The following DPP8 variants were observed in gnomAD, a reference collection of about 807,000 sequenced individuals.
DPP8 encodes DPP VIII.
In DPP8, 31 loss-of-function variants were observed where a neutral mutation model predicts 107.5. The ratio of observed to expected loss-of-function variants is 0.29; its 90% CI spans 0.22 to 0.39. DPP8 has a LOEUF of 0.39. DPP8 is among the 10% of genes least tolerant of loss of function. The probability of loss-of-function intolerance (pLI) is 1.00; values close to 1 mark genes in which losing one functional copy is unlikely to be tolerated. For synonymous variants in DPP8, 381 were observed against 356.6 expected, an observed-to-expected ratio of 1.07 and a Z score of -0.77; for missense variants, 842 against 1,076.1, an observed-to-expected ratio of 0.78 and a Z score of 3.04.
intron 5 of DPP8, among the ~76,000 whole-genome samples, chr15:65,490,547 A>C (rs1313572005): frequency 1.0e-5 from 1 of 98,622 alleles, no homozygotes; most frequent in Non-Finnish European, 2.2e-5. Flanking sequence ...AGATTAAATT[A>C]ATTAATTCAC....
intron 1 of DPP8, among the ~76,000 whole-genome samples, chr15:65,514,814 GACCCAGTTTTA>G (rs1307837908): frequency 6.6e-6 from 1 of 152,102 alleles, no homozygotes; most frequent in African/African-American, 2.4e-5. Context: ...CCGGCCAACG[GACCCAGTTTTA>G]TATCTAACAG....
At chr15:65,512,003 T>G in intron 2 of DPP8, 1 of 529,380 alleles carries the variant, frequency 1.9e-6, no homozygotes, top group Non-Finnish European at 3.6e-6. Context: ...TTTGTTTTCC[T>G]AATCAGACCA....
At chr15:65,488,485 G>A (rs972098889) in intron 6 of DPP8, among the ~76,000 whole-genome samples, 27 of 151,064 alleles carry the variant, frequency 1.8e-4, no homozygotes, top group African/African-American at 6.6e-4. Context: ...GCTTGTGCCT[G>A]TAGTCCCAGG....
chr15:65,460,745 G>A (rs2064847589), intron 15 of DPP8, among the ~76,000 whole-genome samples: 1 of 152,162 alleles, frequency 6.6e-6, no homozygotes, highest in Non-Finnish European at 1.5e-5. Flanking sequence ...TGATGGACAC[G>A]TGCACTGCCT....
At chr15:65,464,116 C>G (rs1463862530) in intron 14 of DPP8, among the ~76,000 whole-genome samples, 2 of 152,164 alleles carry the variant, frequency 1.3e-5, no homozygotes, top group African/African-American at 4.8e-5. Context: ...GTAATCCCAG[C>G]ACTTTGGGAG....
intron 17 of DPP8, among the ~76,000 whole-genome samples, chr15:65,452,855 C>T (rs909969377): frequency 6.6e-6 from 1 of 151,762 alleles, no homozygotes; most frequent in Non-Finnish European, 1.5e-5. Flanking sequence ...GCCTTTAATC[C>T]CAGTTACTTG....
intron 7 of DPP8, 22 bp downstream of exon 7, chr15:65,487,667 TA>T (rs1490168284): frequency 6.3e-7 from 1 of 1,592,660 alleles, no homozygotes; most frequent in Non-Finnish European, 8.5e-7. Flanking sequence ...TGAGTGAATA[TA>T]AATGCCAATG....
chr15:65,508,530 T>C (rs186394597), intron 2 of DPP8, among the ~76,000 whole-genome samples: 1 of 151,858 alleles, frequency 6.6e-6, no homozygotes, highest in African/African-American at 2.4e-5. Context: ...AAAGAAAACA[T>C]AAGGTAAAAC....
At chr15:65,515,748 C>T in intron 1 of DPP8, 1 of 1,503,956 alleles carries the variant, frequency 6.6e-7, no homozygotes, top group Non-Finnish European at 9.2e-7. Flanking sequence ...CTCTGCTCAT[C>T]CTGCTCTTCT....
intron 1 of DPP8, chr15:65,516,646 T>C (rs1044437350): frequency 2.0e-5 from 3 of 152,216 alleles, no homozygotes; most frequent in Admixed American, 1.3e-4. Flanking sequence ...AAATAGAGCA[T>C]GTTGACTCAG....
chr15:65,495,951 C>T (rs1596064791), intron 5 of DPP8, among the ~76,000 whole-genome samples: 1 of 151,928 alleles, frequency 6.6e-6, no homozygotes, highest in South Asian at 2.1e-4. Context: ...TGTTTTCCAA[C>T]CTGTAACATA....
intron 3 of DPP8, among the ~76,000 whole-genome samples, chr15:65,506,565 C>T (rs1023810827): frequency 1.3e-5 from 2 of 151,030 alleles, no homozygotes; most frequent in African/African-American, 2.4e-5. Flanking sequence ...GAGACCAACC[C>T]GGACAACATA....
chr15:65,478,740 T>C (rs2066633878), intron 11 of DPP8, 140 bp downstream of exon 11: 2 of 586,414 alleles, frequency 3.4e-6, no homozygotes, highest in Admixed American at 3.9e-5. Flanking sequence ...CATGTATTTA[T>C]GTTTTAGTTT....
In DPP8 at chr15:65,451,038, C is replaced by G. The variant is rs901207193; in HGVS notation, c.2487G>C (p.Leu829=). The G allele has an allele frequency of 1.2e-6, 2 of 1,611,398 alleles. No individual in the cohort carries two copies. Among genetic ancestry groups the G allele is most frequent in the Non-Finnish European group, 1.7e-6 (2 of 1,178,340 alleles). The change falls in exon 19 of 20, where the codon CTG becomes CTC. Residue 829 remains leucine (L), a synonymous_variant. Transcript: ENST00000300141. The part of the protein sequence containing the change: ...NVHFAHTSIL[L]SFLVRAGKPY... ...GCTTTCCAGCCCTCACTAAAAAACT[C>G]AGTAATATACTGGTATGTGCAAAAT... is the stretch of plus-strand genomic sequence containing the variant.
chr15:65,498,774 A>C (rs1302287069), intron 4 of DPP8, among the ~76,000 whole-genome samples: 1 of 152,166 alleles, frequency 6.6e-6, no homozygotes, highest in Non-Finnish European at 1.5e-5. Context: ...TAAAGCTCAT[A>C]ATCAATTGCC....
chr15:65,469,819 G>A (rs2065699959), intron 12 of DPP8, among the ~76,000 whole-genome samples: 1 of 151,910 alleles, frequency 6.6e-6, no homozygotes, highest in African/African-American at 2.4e-5. Context: ...CTGGGTGACA[G>A]AGCGAGACTC....
In DPP8 at chr15:65,445,288, T is replaced by C. The variant is rs1419552282; in HGVS notation, c.*1596A>G. ...TCTCTGTAGTGATGAGAAAGAAATA[T>C]AGCAAATTTTCTTGGAGTGTTGTTT... On this transcript the variant is annotated 3_prime_UTR_variant, in exon 20 of 20. Coordinates refer to ENST00000300141, the MANE Select transcript of DPP8 (RefSeq NM_130434.5). 1.3e-5 allele frequency: 2 copies of C among 152,194 alleles called. No homozygotes were observed. Among genetic ancestry groups the C allele is most frequent in the African/African-American group, 4.8e-5 (2 of 41,450 alleles). The allele number at this position is 152,194 out of a possible 1,614,324, so 9.4% of individuals were successfully genotyped here.
intron 19 of DPP8, among the ~76,000 whole-genome samples, chr15:65,448,874 A>ATG (rs1247561677): frequency 1.7e-4 from 2 of 12,024 alleles, no homozygotes; most frequent in African/African-American, 4.5e-4. Flanking sequence ...AAATATATAT[A>ATG]TATATATATA....
At chr15:65,514,360 A>G (rs2071176857) in intron 1 of DPP8, among the ~76,000 whole-genome samples, 1 of 152,208 alleles carries the variant, frequency 6.6e-6, no homozygotes, top group African/African-American at 2.4e-5. Flanking sequence ...CATTTAGTTC[A>G]AGGAGTATCC....
Sources: gnomAD v4.1 joint callset for allele counts (sites outside exome capture counted in the v4.1 genomes callset) on GRCh38, gnomAD v4.1.1 for gene constraint, MANE v1.5 for transcripts, NCBI Gene and HGNC (gene_info 2026-07-23, HGNC 2026-07-21) for gene names.